The following SHTN1 variants were observed in gnomAD, a reference collection of about 807,000 sequenced individuals.
SHTN1 encodes the protein shootin 1, also known as shootin-1.
SHTN1 carries 42 observed loss-of-function variants against 83.1 expected under a neutral mutation model. That is an observed-to-expected ratio of 0.51 (90% CI 0.39 to 0.65). The LOEUF is 0.65. SHTN1 is among the 30% of genes least tolerant of loss of function. The probability of loss-of-function intolerance (pLI) is 0.00; values close to 1 mark genes in which losing one functional copy is unlikely to be tolerated. For synonymous variants in SHTN1, 224 were observed against 247.7 expected (o/e 0.90, Z 0.90); for missense variants, 622 against 737.8 (o/e 0.84, Z 1.82).
intron 8 of SHTN1, among the ~76,000 whole-genome samples, chr10:116,941,588 C>T (rs1453260738): frequency 6.6e-6 from 1 of 152,184 alleles, no homozygotes; most frequent in Non-Finnish European, 1.5e-5. Context: ...TTAAAATTTA[C>T]ATTATAACTT....
intron 2 of SHTN1, among the ~76,000 whole-genome samples, chr10:117,024,950 GA>G (rs796561416): frequency 6.6e-6 from 1 of 151,928 alleles, no homozygotes; most frequent in Non-Finnish European, 1.5e-5. Context: ...AAATTTTGGG[GA>G]AAAAAACATA....
intron 1 of SHTN1, among the ~76,000 whole-genome samples, chr10:117,111,896 C>G (rs1564962977): frequency 6.6e-6 from 1 of 152,168 alleles, no homozygotes; most frequent in Non-Finnish European, 1.5e-5. Context: ...TGATGACCCT[C>G]TGTAGTTGGG....
chr10:117,115,549 T>C (rs1438516019), intron 1 of SHTN1, among the ~76,000 whole-genome samples: 1 of 152,202 alleles, frequency 6.6e-6, no homozygotes, highest in African/African-American at 2.4e-5. Context: ...GAGGCTGCTC[T>C]AGTGATGGAG....
At chr10:117,088,482 C>G (rs961025965) in intron 1 of SHTN1, among the ~76,000 whole-genome samples, 1 of 152,102 alleles carries the variant, frequency 6.6e-6, no homozygotes, top group Non-Finnish European at 1.5e-5. Flanking sequence ...TAGAAATAAG[C>G]ATGAAAATAT....
At position 117,049,400 on chromosome 10, in the gene SHTN1, T is replaced by C. The variant is rs112505505; in HGVS notation, c.-188-890A>G. On this transcript the variant is annotated intron_variant, in intron 1 of 17. Coordinates refer to the SHTN1 transcript ENST00000392901. ...ACAACAAAAAAAACAAAAAACCTCA[T>C]AGAATTTTAACCTAGCTTTGTGTTA... 4.1e-3 allele frequency among the ~76,000 whole-genome samples: 629 copies of C among 152,062 alleles called. 1 individual carries two copies. Among genetic ancestry groups the C allele is most frequent in the Non-Finnish European group, 6.4e-3 (433 of 67,936 alleles).
intron 8 of SHTN1, among the ~76,000 whole-genome samples, chr10:116,944,441 A>G (rs1206135862): frequency 2.0e-5 from 3 of 152,214 alleles, no homozygotes; most frequent in African/African-American, 7.2e-5. Context: ...AGTAACTGAC[A>G]TGGCCAAAAT....
In SHTN1 at chr10:116,993,614, C is replaced by T. The variant is rs549954441; in HGVS notation, c.58+11408G>A. 5.8e-4 allele frequency among the ~76,000 whole-genome samples: 89 copies of T among 152,142 alleles called. 1 individual carries two copies. In the South Asian group the frequency reaches 0.017, roughly 30 times the overall value. ...TTGGGTAGTAACTGCCTAACATACA[C>T]GTGCTGTAAAATGGATATGAGAAAA... On this transcript the variant is annotated intron_variant, in intron 1 of 16. Transcript: ENST00000355371.
intron 12 of SHTN1, among the ~76,000 whole-genome samples, chr10:116,917,685 G>A (rs1172185750): frequency 6.6e-6 from 1 of 152,158 alleles, no homozygotes; most frequent in African/African-American, 2.4e-5. Context: ...GAGAATTATG[G>A]TCAACACCAT....
chr10:117,004,973 C>G, intron 1 of SHTN1, 49 bp downstream of exon 1: 1 of 1,543,492 alleles, frequency 6.5e-7, no homozygotes, highest in Non-Finnish European at 8.8e-7. Flanking sequence ...GGGGCCGTCC[C>G]CGCCCACGGG....
intron 1 of SHTN1, among the ~76,000 whole-genome samples, chr10:116,982,413 A>G (rs1851058138): frequency 6.6e-6 from 1 of 152,120 alleles, no homozygotes; most frequent in Non-Finnish European, 1.5e-5. Flanking sequence ...CAACACATAC[A>G]CAGACATGCA....
upstream of SHTN1, among the ~76,000 whole-genome samples, chr10:117,006,190 G>A (rs577539485): frequency 6.6e-6 from 1 of 151,936 alleles, no homozygotes; most frequent in Admixed American, 6.6e-5. Context: ...ATTTAATAGA[G>A]GAAGATTAAC....
At chr10:116,957,381 G>C (rs1850021877) in intron 4 of SHTN1, among the ~76,000 whole-genome samples, 1 of 150,562 alleles carries the variant, frequency 6.6e-6, no homozygotes, top group South Asian at 2.1e-4. Context: ...AGCCTCCCGA[G>C]TAACTGCGAT....
chr10:117,056,314 A>C (rs531409778), intron 1 of SHTN1, among the ~76,000 whole-genome samples: 2 of 152,358 alleles, frequency 1.3e-5, no homozygotes, highest in South Asian at 4.1e-4. Context: ...AATCCTCAAC[A>C]AAATATTAGC....
intron 2 of SHTN1, among the ~76,000 whole-genome samples, chr10:117,012,558 A>G (rs1004470857): frequency 7.9e-5 from 12 of 152,086 alleles, no homozygotes; most frequent in Admixed American, 5.9e-4. Context: ...TCTTTTTTTT[A>G]TAAAAAGGAG....
chr10:117,040,922 TTTA>T (rs1189108908), intron 2 of SHTN1, among the ~76,000 whole-genome samples: 1 of 151,732 alleles, frequency 6.6e-6, no homozygotes, highest in Non-Finnish European at 1.5e-5. Flanking sequence ...CTCTTTTTCT[TTTA>T]TTATATTTTA....
chr10:117,107,434 A>G (rs1853687143), intron 1 of SHTN1, among the ~76,000 whole-genome samples: 1 of 141,816 alleles, frequency 7.1e-6, no homozygotes, highest in African/African-American at 2.4e-5. Context: ...CCGCAATAGG[A>G]CCCAGAACCT....
intron 3 of SHTN1, among the ~76,000 whole-genome samples, chr10:116,968,342 T>A (rs1036396597): frequency 6.6e-6 from 1 of 152,236 alleles, no homozygotes; most frequent in African/African-American, 2.4e-5. Flanking sequence ...AAGGACAGAT[T>A]ATAAAGTACT....
At chr10:117,067,425 C>T (rs1381613328) in intron 1 of SHTN1, among the ~76,000 whole-genome samples, 1 of 152,142 alleles carries the variant, frequency 6.6e-6, no homozygotes, top group East Asian at 1.9e-4. Flanking sequence ...AACCCCGTCT[C>T]TACTAAAAGA....
At chr10:116,981,903 A>G (rs890535320) in intron 1 of SHTN1, among the ~76,000 whole-genome samples, 2 of 152,164 alleles carry the variant, frequency 1.3e-5, no homozygotes, top group African/African-American at 4.8e-5. Flanking sequence ...CTAAAAATAC[A>G]AAAAGATTAG....
Sources: allele counts gnomAD v4.1 joint callset (sites outside exome capture counted in the v4.1 genomes callset), GRCh38; gene constraint gnomAD v4.1.1; transcripts MANE v1.5; gene names NCBI Gene and HGNC (gene_info 2026-07-23, HGNC 2026-07-21).